ZFHX3: variants seen among roughly 807,000 people sequenced by gnomAD.
The protein encoded by ZFHX3 is zinc finger homeobox 3.
Under a neutral mutation model 279.1 loss-of-function variants are expected in ZFHX3, and 42 were observed. That is an observed-to-expected ratio of 0.15 (90% confidence interval 0.12 to 0.19). The LOEUF is 0.19. ZFHX3 is among the 10% of genes least tolerant of loss of function. The pLI, the probability that ZFHX3 is intolerant of heterozygous loss-of-function variation, is 1.00. For synonymous variants in ZFHX3, 2,293 were observed against 1,957.8 expected (o/e 1.17, Z -4.52); for missense variants, 4,981 against 4,754.0 (o/e 1.05, Z -1.40).
At chr16:72,969,032 G>A (rs1811392165) in intron 1 of ZFHX3, among the ~76,000 whole-genome samples, 1 of 152,122 alleles carries the variant, frequency 6.6e-6, no homozygotes, top group Non-Finnish European at 1.5e-5. Flanking sequence ...TCTAGAAGGA[G>A]GACACGAGAA....
intron 1 of ZFHX3, among the ~76,000 whole-genome samples, chr16:73,042,105 T>C (rs1020445209): frequency 6.6e-6 from 1 of 152,146 alleles, no homozygotes; most frequent in African/African-American, 2.4e-5. Flanking sequence ...TTATAGACTT[T>C]CAGGAGTTTA....
intron 5 of ZFHX3, among the ~76,000 whole-genome samples, chr16:73,151,001 T>C (rs1389768464): frequency 8.5e-5 from 13 of 152,122 alleles, no homozygotes; most frequent in Non-Finnish European, 2.9e-5. Context: ...GCAATATTAT[T>C]TGGCAATAAA....
At chr16:73,324,143 A>G (rs922913568) in intron 3 of ZFHX3, among the ~76,000 whole-genome samples, 1 of 152,246 alleles carries the variant, frequency 6.6e-6, no homozygotes, top group East Asian at 1.9e-4. Context: ...AGTGGACCAC[A>G]TGGAGAGGAA....
intron 4 of ZFHX3, among the ~76,000 whole-genome samples, chr16:72,871,222 T>C (rs1173314709): frequency 6.6e-6 from 1 of 152,212 alleles, no homozygotes; most frequent in Admixed American, 6.5e-5. Context: ...GACGCCCAGG[T>C]TGGAGTGCAA....
intron 5 of ZFHX3, among the ~76,000 whole-genome samples, chr16:72,814,874 C>T (rs1002378133): frequency 6.6e-6 from 1 of 152,182 alleles, no homozygotes; most frequent in African/African-American, 2.4e-5. Flanking sequence ...TGGATATTAG[C>T]CACCTGCAGC....
At chr16:73,840,125 A>T (rs1412864406) in intron 1 of ZFHX3, among the ~76,000 whole-genome samples, 1 of 152,210 alleles carries the variant, frequency 6.6e-6, no homozygotes, top group East Asian at 1.9e-4. Flanking sequence ...ATACATGCCA[A>T]ACAGATCAGG....
chr16:72,910,378 C>T (rs2039288186), intron 3 of ZFHX3, among the ~76,000 whole-genome samples: 1 of 152,180 alleles, frequency 6.6e-6, no homozygotes, highest in African/African-American at 2.4e-5. Flanking sequence ...CTAAGATGCT[C>T]TTAAGAGCTG....
intron 3 of ZFHX3, among the ~76,000 whole-genome samples, chr16:73,429,964 T>C (rs1211783193): frequency 1.3e-5 from 2 of 152,186 alleles, no homozygotes. Context: ...CTCTGCTCAC[T>C]GCAGCCTTGA....
At chr16:73,495,236 A>G (rs2019122890) in intron 2 of ZFHX3, among the ~76,000 whole-genome samples, 1 of 152,352 alleles carries the variant, frequency 6.6e-6, no homozygotes, top group East Asian at 1.9e-4. Context: ...AAATGTAATA[A>G]ACAATTTGAA....
intron 5 of ZFHX3, chr16:73,233,130 C>T (rs1352753575): frequency 1.1e-5 from 1 of 93,812 alleles, no homozygotes; most frequent in Non-Finnish European, 2.1e-5. Flanking sequence ...AAAAAAAAAT[C>T]GAGGCAAATC....
In ZFHX3 at chr16:73,346,101, A is replaced by G. The variant is rs1426013206; in HGVS notation, c.-1290-27765T>C. 5.9e-5 allele frequency among the ~76,000 whole-genome samples: 9 copies of G among 152,172 alleles called. 1 individual carries two copies. The highest frequency in any genetic ancestry group is 6.8e-3 in the Middle Eastern group (2 of 294). Reference sequence around the variant, plus strand: ...AGGCTCAGCGACCCTGCACCTTTTGATCAGCCCCTCTCCTGGCTGTGAGTG... The same window carrying G: ...AGGCTCAGCGACCCTGCACCTTTTGGTCAGCCCCTCTCCTGGCTGTGAGTG... On this transcript the variant is annotated intron_variant, in intron 3 of 17. Transcript: ENST00000641206.
At chr16:72,815,011 G>A (rs915894924) in intron 5 of ZFHX3, among the ~76,000 whole-genome samples, 8 of 152,188 alleles carry the variant, frequency 5.3e-5, no homozygotes, top group African/African-American at 1.9e-4. Flanking sequence ...AACTATGGCT[G>A]ACACATGCCC....
chr16:73,023,619 CT>C (rs1239307778), intron 1 of ZFHX3, among the ~76,000 whole-genome samples: 3 of 152,222 alleles, frequency 2.0e-5, no homozygotes, highest in Non-Finnish European at 4.4e-5. Context: ...CGGAAGACCC[CT>C]AATGCATCCT....
intron 2 of ZFHX3, among the ~76,000 whole-genome samples, chr16:73,474,865 A>C (rs1327794438): frequency 1.3e-5 from 2 of 152,184 alleles, no homozygotes; most frequent in African/African-American, 4.8e-5. Context: ...GTAAGAGATG[A>C]GTGGGTAAAG....
At chr16:72,949,911 CTT>C (rs774934563) in intron 3 of ZFHX3, among the ~76,000 whole-genome samples, 8 of 116,048 alleles carry the variant, frequency 6.9e-5, no homozygotes, top group Non-Finnish European at 1.0e-4. Context: ...ATTTTCTTTT[CTT>C]TTTTTTTTTT....
chr16:72,804,494 G>A (rs80168398), intron 7 of ZFHX3, among the ~76,000 whole-genome samples: 8 of 152,274 alleles, frequency 5.3e-5, no homozygotes, highest in African/African-American at 9.6e-5. Flanking sequence ...GGAAATCCAT[G>A]TACTCAAGTG....
intron 1 of ZFHX3, among the ~76,000 whole-genome samples, chr16:73,885,255 T>G (rs1269245845): frequency 6.6e-6 from 1 of 152,144 alleles, no homozygotes; most frequent in African/African-American, 2.4e-5. Context: ...TAAAAACTGA[T>G]CAATGTAATT....
At chr16:73,402,330 C>G (rs903296729) in intron 3 of ZFHX3, 1 of 152,204 alleles carries the variant, frequency 6.6e-6, no homozygotes, top group Non-Finnish European at 1.5e-5. Flanking sequence ...GATAGAGAAC[C>G]TTGCTTCTCA....
chr16:73,684,276 T>C (rs938827728), intron 1 of ZFHX3, among the ~76,000 whole-genome samples: 11 of 152,186 alleles, frequency 7.2e-5, no homozygotes, highest in African/African-American at 2.7e-4. Context: ...ATTCCTGCTC[T>C]AGGGGTCCAT....
Sources: gnomAD v4.1 joint callset for allele counts (sites outside exome capture counted in the v4.1 genomes callset) on GRCh38, gnomAD v4.1.1 for gene constraint, MANE v1.5 for transcripts, NCBI Gene and HGNC (gene_info 2026-07-23, HGNC 2026-07-21) for gene names.